The following G6PC3 variants were observed in gnomAD, a reference collection of about 807,000 sequenced individuals.
G6PC3 encodes glucose-6-phosphatase catalytic subunit 3, also known as glucose-6-phosphatase 3.
G6PC3 carries 30 observed loss-of-function variants against 38.6 expected under a neutral mutation model. That is an observed-to-expected ratio of 0.78 (90% CI 0.58 to 1.05). The LOEUF is 1.05. G6PC3 is among the 50% of genes least tolerant of loss of function. The probability of loss-of-function intolerance (pLI) is 0.00; values close to 1 mark genes in which losing one functional copy is unlikely to be tolerated. For missense variants in G6PC3, 377 were observed against 443.1 expected, an observed-to-expected ratio of 0.85 and a Z score of 1.34; for synonymous variants, 192 against 178.1, an observed-to-expected ratio of 1.08 and a Z score of -0.62.
intron 5 of G6PC3, 57 bp from the exon 6 acceptor site, chr17:44,075,623 G>A: frequency 1.2e-6 from 2 of 1,605,834 alleles, no homozygotes; most frequent in Non-Finnish European, 1.7e-6. Flanking sequence ...AGATGGCCAA[G>A]AGCCAGTGGC....
Position 44,074,204 on chromosome 17 carries a change from G to C in G6PC3, c.263G>C (p.Gly88Ala). The part of the protein sequence containing the change: ...DRPFWWVHES[G>A]YYSQAPAQVH... The stretch of plus-strand genomic sequence containing the variant: ...CCCTTTTGGTGGGTCCATGAGTCTG[G>C]TTACTACAGCCAGGCTCCAGCCCAG... Residue 88 changes from glycine to alanine, a missense_variant, in exon 2 of 6, where the codon GGT (glycine) becomes GCT (alanine). Physicochemically the swap from Gly to Ala is moderately conservative, Grantham distance 60 (BLOSUM62 0). Coordinates refer to ENST00000269097, the MANE Select transcript of G6PC3 (RefSeq NM_138387.4). 1 of 1,614,010 alleles carries C rather than the reference G, an allele frequency of 6.2e-7. No homozygotes were observed. Among genetic ancestry groups the C allele is most frequent in the African/African-American group, 1.3e-5 (1 of 75,002 alleles).
chr17:44,074,944 A>T (rs2050055052), intron 3 of G6PC3, 25 bp from the exon 4 acceptor site: 1 of 1,590,916 alleles, frequency 6.3e-7, no homozygotes, highest in African/African-American at 1.3e-5. Context: ...ACACGCTCTG[A>T]GCTCCTTGCC....
In G6PC3 at chr17:44,071,024, C is replaced by T. The variant is rs777505318; in HGVS notation, c.59C>T (p.Ala20Val). The T allele has an allele frequency of 1.3e-4, 206 of 1,583,794 alleles. 1 individual carries two copies. In the Admixed American group the frequency reaches 3.6e-3, roughly 28 times the overall value. The stretch of plus-strand genomic sequence containing the variant: ...GCCGAGGCGCTACAGAACCAGCTAG[C>T]CTGGCTGGAGAACGTGTGGCTCTGG... ...VIAEALQNQL[A>V]WLENVWLWIT... Residue 20 changes from alanine to valine, a missense_variant, in exon 1 of 6, where the codon GCC becomes GTC. Transcript: ENST00000269097.
At position 44,075,311 on chromosome 17, in the gene G6PC3, C is replaced by T. The variant is rs758478386; in HGVS notation, c.537C>T (p.Gly179=). Residue 179 remains glycine, a splice_region_variant and synonymous_variant, in exon 5 of 6, where the codon GGC becomes GGT. Coordinates refer to ENST00000269097, the MANE Select transcript of G6PC3 (RefSeq NM_138387.4). ...PHQVLAGLIT[G]AVLGWLMTPR... ...GCTGTTGTCACTCCACTCTCCTAGG[C>T]GCTGTCCTGGGCTGGCTGATGACTC... The T allele has an allele frequency of 6.8e-6, 11 of 1,614,166 alleles. No homozygotes were observed. The Admixed American group carries it at 1.0e-4, about 15-fold the overall frequency.
chr17:44,071,676 C>A (rs2049981768), intron 1 of G6PC3: 2 of 1,281,864 alleles, frequency 1.6e-6, no homozygotes, highest in African/African-American at 1.5e-5. Context: ...GACAGAGACA[C>A]CTTGCAGATT....
At chr17:44,074,580 C>A (rs2050039823) in intron 2 of G6PC3, 100 bp from the exon 3 acceptor site, 3 of 1,003,936 alleles carry the variant, frequency 3.0e-6, no homozygotes, top group East Asian at 2.5e-5. Flanking sequence ...GGGAAAAGCT[C>A]TTCTCAGCCA....
chr17:44,076,325 A>G lies in G6PC3; in HGVS notation c.*282A>G. ...GAGGGGCAGCCAGGGCGGCCCCAATAAAGCCCTTGAATACTTTGAGATTCC... is the reference window on the plus strand; with the variant it reads ...GAGGGGCAGCCAGGGCGGCCCCAATGAAGCCCTTGAATACTTTGAGATTCC... On this transcript the variant is annotated 3_prime_UTR_variant, in exon 6 of 6. Transcript: ENST00000269097. 1.6e-6 allele frequency: 1 copy of G among 643,510 alleles called. No individual in the cohort carries two copies. Among genetic ancestry groups the G allele is most frequent in the Non-Finnish European group, 2.9e-6 (1 of 348,818 alleles). 39.9% of individuals were successfully genotyped at this position (643,510 alleles called of 1,614,324 possible).
chr17:44,075,498 C>T (rs543348664), intron 5 of G6PC3, 47 bp downstream of exon 5: 6 of 1,612,440 alleles, frequency 3.7e-6, no homozygotes, highest in South Asian at 2.2e-5. Context: ...TGTCCTATCT[C>T]GCCTGCACCT....
Position 44,076,252 on chromosome 17 carries a change from C to G in G6PC3, c.*209C>G, listed in dbSNP as rs1366514746. 8.0e-6 allele frequency: 6 copies of G among 754,532 alleles called. No individual in the cohort carries two copies. Among genetic ancestry groups the G allele is most frequent in the Non-Finnish European group, 1.4e-5 (6 of 427,858 alleles). The allele number at this position is 754,532 out of a possible 1,614,324, so 46.7% of individuals were successfully genotyped here. A position where few individuals can be genotyped will look rare whatever the true frequency, so the allele number is the denominator to read the frequency against. On this transcript the variant is annotated 3_prime_UTR_variant, in exon 6 of 6. Coordinates refer to ENST00000269097, the MANE Select transcript of G6PC3 (RefSeq NM_138387.4). ...TCCCTCTGCCTTTCCTCTCAAGCCCCCAAAGAGCAAAGGCAACAGCAAGAC... is the reference window on the plus strand; with the variant it reads ...TCCCTCTGCCTTTCCTCTCAAGCCCGCAAAGAGCAAAGGCAACAGCAAGAC...
chr17:44,070,960 G>C lies in G6PC3; in HGVS notation c.-6G>C. 1 of 1,550,254 alleles carries C rather than the reference G, an allele frequency of 6.5e-7. No individual in the cohort carries two copies. The highest frequency in any genetic ancestry group is 1.2e-5 in the South Asian group (1 of 84,162). Reference sequence around the variant, plus strand: ...AAGCCGGGGCCTGGTCGGCAGCTGGGCCGCCATGGAGTCCACGCTGGGCGC... The same window carrying C: ...AAGCCGGGGCCTGGTCGGCAGCTGGCCCGCCATGGAGTCCACGCTGGGCGC... On this transcript the variant is annotated 5_prime_UTR_variant, in exon 1 of 6. Transcript: ENST00000269097.
chr17:44,076,011 G>A lies in G6PC3; in HGVS notation c.1009G>A (p.Ala337Thr). 1.2e-6 allele frequency: 2 copies of A among 1,613,026 alleles called. No homozygotes were observed. The highest frequency in any genetic ancestry group is 1.7e-5 in the Admixed American group (1 of 60,012). ...GCCCTGGGCAGTGCACATGTTCAGT[G>A]CCCAGGAAGCACCGCCCATCCACTC... is the stretch of plus-strand genomic sequence containing the variant. ...LVPWAVHMFS[A>T]QEAPPIHSS The change falls in exon 6 of 6, where the codon GCC (alanine) becomes ACC (threonine). Residue 337 changes from alanine to threonine, a missense_variant. By Grantham distance (58) the Ala-to-Thr change is moderately conservative. Coordinates refer to ENST00000269097, the MANE Select transcript of G6PC3 (RefSeq NM_138387.4).
In G6PC3 at chr17:44,076,032, C is replaced by T. The variant is rs1347079621; in HGVS notation, c.1030C>T (p.His344Tyr). The change falls in exon 6 of 6, where the codon CAC becomes TAC. Residue 344 changes from histidine to tyrosine, a missense_variant. His to Tyr is a moderately conservative substitution (Grantham distance 83). Transcript: ENST00000269097. The stretch of plus-strand genomic sequence containing the variant: ...CAGTGCCCAGGAAGCACCGCCCATC[C>T]ACTCTTCCTGACTTCTTGTGTGCCT... ...MFSAQEAPPI[H>Y]SS The T allele has an allele frequency of 4.3e-6, 7 of 1,612,866 alleles. No homozygotes were observed. The highest frequency in any genetic ancestry group is 5.9e-6 in the Non-Finnish European group (7 of 1,180,016).
Position 44,076,151 on chromosome 17 carries a change from C to G in G6PC3, c.*108C>G. On this transcript the variant is annotated 3_prime_UTR_variant, in exon 6 of 6. Coordinates refer to ENST00000269097, the MANE Select transcript of G6PC3 (RefSeq NM_138387.4). ...CTTCCAGCCCCTAAGTAGGCCCTCCCCTCCCTAAATCTGCTTCCGCACCAC... is the reference window on the plus strand; with the variant it reads ...CTTCCAGCCCCTAAGTAGGCCCTCCGCTCCCTAAATCTGCTTCCGCACCAC... 1 of 1,438,980 alleles carries G rather than the reference C, an allele frequency of 6.9e-7. No individual in the cohort carries two copies. The highest frequency in any genetic ancestry group is 9.7e-7 in the Non-Finnish European group (1 of 1,034,806). The allele number at this position is 1,438,980 out of a possible 1,614,324, so 89.1% of individuals were successfully genotyped here. A position where few individuals can be genotyped will look rare whatever the true frequency, so the allele number is the denominator to read the frequency against.
At chr17:44,071,796 T>C (rs1431609218) in intron 1 of G6PC3, 9 of 480,878 alleles carry the variant, frequency 1.9e-5, no homozygotes, top group Admixed American at 7.1e-5. Context: ...AATCTGCATT[T>C]TAACAAGGTT....
intron 1 of G6PC3, chr17:44,072,995 G>A (rs555533998): frequency 3.9e-5 from 6 of 152,276 alleles, no homozygotes; most frequent in Admixed American, 3.9e-4. Flanking sequence ...AGTTTTCAGA[G>A]GGGAGAGGCA....
rs1158573798 is a variant in G6PC3, at chr17:44,075,334, C to T, written c.560C>T (p.Thr187Ile). 6.8e-6 allele frequency: 11 copies of T among 1,614,206 alleles called. No homozygotes were observed. In the South Asian group the frequency reaches 7.7e-5, roughly 11 times the overall value. The change falls in exon 5 of 6, where the codon ACT becomes ATT. Residue 187 changes from threonine to isoleucine, a missense_variant. Coordinates refer to ENST00000269097, the MANE Select transcript of G6PC3 (RefSeq NM_138387.4). ...ITGAVLGWLM[T>I]PRVPMERELS... is the part of the protein sequence containing the mutation. ...GGCGCTGTCCTGGGCTGGCTGATGA[C>T]TCCCCGAGTGCCTATGGAGCGGGAG...
In G6PC3 at chr17:44,075,620, C is replaced by T. The variant is rs2050083670; in HGVS notation, c.678-60C>T. On this transcript the variant is annotated intron_variant, in intron 5 of 5. Coordinates refer to ENST00000269097, the MANE Select transcript of G6PC3 (RefSeq NM_138387.4). ...GGAGTGGGCCCCAAGGGCAGATGGCCAAGAGCCAGTGGCCTTCTATGTTCC... is the reference window on the plus strand; with the variant it reads ...GGAGTGGGCCCCAAGGGCAGATGGCTAAGAGCCAGTGGCCTTCTATGTTCC... 6.9e-6 allele frequency: 11 copies of T among 1,605,714 alleles called. No individual in the cohort carries two copies. In the South Asian group the frequency reaches 1.1e-4, roughly 16 times the overall value.
intron 5 of G6PC3, 78 bp downstream of exon 5, chr17:44,075,529 C>T (rs1266180567): frequency 1.9e-6 from 3 of 1,603,814 alleles, no homozygotes; most frequent in Non-Finnish European, 2.6e-6. Flanking sequence ...GTCTCTGGTT[C>T]ATTATAGCTA....
intron 1 of G6PC3, chr17:44,073,275 A>G (rs545006838): frequency 1.0e-4 from 16 of 152,590 alleles, no homozygotes; most frequent in African/African-American, 3.6e-4. Context: ...AACTGGGGAC[A>G]TGGAGGCAGG....
Sources: allele counts gnomAD v4.1 joint callset, GRCh38; gene constraint gnomAD v4.1.1; transcripts MANE v1.5; gene names NCBI Gene and HGNC (gene_info 2026-07-23, HGNC 2026-07-21).